The following DOCK5 variants were observed in gnomAD, a reference collection of about 807,000 sequenced individuals.
DOCK5 encodes the protein dedicator of cytokinesis protein 5.
A neutral mutation model predicts 251.8 loss-of-function variants in DOCK5; 142 were observed. That is an observed-to-expected ratio of 0.56 (90% CI 0.49 to 0.65). DOCK5 has a LOEUF of 0.65. Ranked by LOEUF, DOCK5 falls within the 30% of genes least tolerant of loss-of-function variation. The pLI, the probability that DOCK5 is intolerant of heterozygous loss-of-function variation, is 0.00. For synonymous variants in DOCK5, 842 were observed against 835.5 expected, an observed-to-expected ratio of 1.01 and a Z score of -0.13; for missense variants, 2,111 against 2,312.3, an observed-to-expected ratio of 0.91 and a Z score of 1.79.
At chr8:25,202,269 C>T (rs1295517749) in intron 1 of DOCK5, among the ~76,000 whole-genome samples, 1 of 152,266 alleles carries the variant, frequency 6.6e-6, no homozygotes, top group East Asian at 1.9e-4. Context: ...CCACCTGCCT[C>T]GGCCTCCCAA....
At chr8:25,230,190 G>A (rs1037304111) in intron 1 of DOCK5, among the ~76,000 whole-genome samples, 4 of 152,154 alleles carry the variant, frequency 2.6e-5, no homozygotes, top group African/African-American at 9.7e-5. Flanking sequence ...TTTCTTCTCT[G>A]CTGGTTTGCA....
chr8:25,331,955 C>T (rs17053409), intron 18 of DOCK5, among the ~76,000 whole-genome samples: 1,770 of 152,038 alleles, frequency 0.012, 24 homozygotes, highest in African/African-American at 0.04. Flanking sequence ...CATTAGCATG[C>T]TTCTTAGCTT....
At chr8:25,383,680 C>T (rs1032162802) in intron 40 of DOCK5, among the ~76,000 whole-genome samples, 46 of 152,062 alleles carry the variant, frequency 3.0e-4, no homozygotes, top group Non-Finnish European at 1.2e-4. Flanking sequence ...CATGCTGAAA[C>T]GCTGTCCCTA....
intron 3 of DOCK5, among the ~76,000 whole-genome samples, chr8:25,274,622 A>G (rs1803996341): frequency 6.6e-6 from 1 of 152,094 alleles, no homozygotes; most frequent in South Asian, 2.1e-4. Flanking sequence ...CCTCTTAGGG[A>G]TATAGAATGG....
intron 2 of DOCK5, among the ~76,000 whole-genome samples, chr8:25,258,064 G>A (rs1006354622): frequency 2.0e-5 from 3 of 152,162 alleles, no homozygotes; most frequent in African/African-American, 7.2e-5. Flanking sequence ...AGTAGATGAT[G>A]TTGTCCAGGC....
chr8:25,335,796 A>G (rs1805791923), intron 21 of DOCK5, among the ~76,000 whole-genome samples: 2 of 152,190 alleles, frequency 1.3e-5, no homozygotes, highest in African/African-American at 2.4e-5. Flanking sequence ...TAAAGTTTCT[A>G]TCTGGCTCCA....
At chr8:25,319,700 C>G in intron 15 of DOCK5, 24 bp downstream of exon 15, 3 of 1,497,866 alleles carry the variant, frequency 2.0e-6, no homozygotes, top group Non-Finnish European at 1.8e-6. Flanking sequence ...ATTTGTAACC[C>G]CTGTTATCTG....
chr8:25,348,165 A>G (rs1563210668), intron 26 of DOCK5, among the ~76,000 whole-genome samples: 2 of 152,098 alleles, frequency 1.3e-5, no homozygotes, highest in Non-Finnish European at 1.5e-5. Context: ...AGTTAACTCA[A>G]AGCTCTAATT....
intron 4 of DOCK5, among the ~76,000 whole-genome samples, chr8:25,276,066 G>A (rs756629210): frequency 3.9e-5 from 6 of 152,084 alleles, no homozygotes; most frequent in Non-Finnish European, 8.8e-5. Flanking sequence ...GTGTGTGTGT[G>A]CGTGTGTGTA....
intron 28 of DOCK5, among the ~76,000 whole-genome samples, chr8:25,360,762 A>G (rs1200244106): frequency 6.6e-6 from 1 of 152,150 alleles, no homozygotes; most frequent in Non-Finnish European, 1.5e-5. Context: ...ATAAAGTAAA[A>G]TTAACAATAA....
chr8:25,349,881 AC>A (rs1366086873), intron 26 of DOCK5, among the ~76,000 whole-genome samples: 2 of 152,208 alleles, frequency 1.3e-5, no homozygotes, highest in East Asian at 3.8e-4. Context: ...CATCCATGTA[AC>A]CAGAAACCAC....
chr8:25,317,881 G>A (rs1805301208), intron 14 of DOCK5, among the ~76,000 whole-genome samples: 2 of 152,096 alleles, frequency 1.3e-5, no homozygotes, highest in South Asian at 4.1e-4. Flanking sequence ...AGAGTGCTGG[G>A]ATTACAGGCG....
intron 18 of DOCK5, among the ~76,000 whole-genome samples, chr8:25,331,268 C>G (rs1805676276): frequency 6.7e-6 from 1 of 149,424 alleles, no homozygotes; most frequent in Non-Finnish European, 1.5e-5. Context: ...CACACACACA[C>G]ACATATATGT....
intron 1 of DOCK5, among the ~76,000 whole-genome samples, chr8:25,231,191 A>G (rs748062612): frequency 1.3e-5 from 2 of 151,912 alleles, no homozygotes; most frequent in African/African-American, 4.8e-5. Flanking sequence ...TAATTTTTCA[A>G]TTCTCTCTAC....
intron 2 of DOCK5, among the ~76,000 whole-genome samples, chr8:25,257,999 A>C (rs556645514): frequency 3.6e-4 from 55 of 152,278 alleles, no homozygotes; most frequent in African/African-American, 1.3e-3. Flanking sequence ...ACTTTGCTTT[A>C]AAAAGGAAAG....
chr8:25,326,776 G>GATGTTGTTT (rs1805574251), intron 18 of DOCK5, among the ~76,000 whole-genome samples: 1 of 152,154 alleles, frequency 6.6e-6, no homozygotes, highest in African/African-American at 2.4e-5. Context: ...TATGTACAAG[G>GATGTTGTTT]ATGTTGTTTC....
chr8:25,289,617 C>T (rs995129130), intron 5 of DOCK5, among the ~76,000 whole-genome samples: 1 of 151,390 alleles, frequency 6.6e-6, no homozygotes, highest in Non-Finnish European at 1.5e-5. Flanking sequence ...CTGAGGCAGG[C>T]GGATCATCTG....
At chr8:25,363,193 G>C (rs1800718159) in intron 29 of DOCK5, 52 bp downstream of exon 29, 3 of 1,477,358 alleles carry the variant, frequency 2.0e-6, no homozygotes, top group Non-Finnish European at 2.8e-6. Context: ...ACCTAAGGCT[G>C]CTGTGTGAAC....
intron 2 of DOCK5, among the ~76,000 whole-genome samples, chr8:25,257,464 C>T (rs1041718440): frequency 2.0e-5 from 3 of 152,178 alleles, no homozygotes; most frequent in African/African-American, 7.2e-5. Context: ...ACATGCAGCC[C>T]TTTAGCAAAT....
Sources: gnomAD v4.1 joint callset for allele counts (sites outside exome capture counted in the v4.1 genomes callset) on GRCh38, gnomAD v4.1.1 for gene constraint, MANE v1.5 for transcripts, NCBI Gene and HGNC (gene_info 2026-07-23, HGNC 2026-07-21) for gene names.